CCSER1: variants seen among roughly 807,000 people sequenced by gnomAD.
CCSER1 encodes the protein coiled-coil serine rich protein 1.
CCSER1 carries 41 observed loss-of-function variants against 82.0 expected under a neutral mutation model. That is an observed-to-expected ratio of 0.50 (90% CI 0.39 to 0.65). The LOEUF is 0.65. Ranked by LOEUF, CCSER1 falls within the 30% of genes least tolerant of loss-of-function variation. The pLI, the probability that CCSER1 is intolerant of heterozygous loss-of-function variation, is 0.00. For synonymous variants in CCSER1, 414 were observed against 383.9 expected, an observed-to-expected ratio of 1.08 and a Z score of -0.92; for missense variants, 1,119 against 1,064.2, an observed-to-expected ratio of 1.05 and a Z score of -0.72.
intron 10 of CCSER1, among the ~76,000 whole-genome samples, chr4:91,166,605 T>A (rs1175414532): frequency 6.6e-6 from 1 of 152,196 alleles, no homozygotes; most frequent in Non-Finnish European, 1.5e-5. Flanking sequence ...TATAAGTCAG[T>A]TTTTATATTT....
chr4:90,141,130 G>C (rs1231824858), intron 1 of CCSER1, among the ~76,000 whole-genome samples: 1 of 152,000 alleles, frequency 6.6e-6, no homozygotes, highest in East Asian at 1.9e-4. Context: ...CTGTAGAACC[G>C]ACTGGAAGGC....
At chr4:90,216,975 G>A (rs941252910) in intron 1 of CCSER1, among the ~76,000 whole-genome samples, 3 of 152,236 alleles carry the variant, frequency 2.0e-5, no homozygotes, top group Non-Finnish European at 4.4e-5. Flanking sequence ...GTGTTTTGTA[G>A]TTCTCCTTGT....
At chr4:90,550,555 T>A (rs1222565024) in intron 5 of CCSER1, among the ~76,000 whole-genome samples, 5 of 149,608 alleles carry the variant, frequency 3.3e-5, no homozygotes, top group Admixed American at 3.3e-4. Flanking sequence ...TAGAAAAATA[T>A]ATTATTGAGG....
chr4:90,309,709 T>C (rs1379525944), intron 2 of CCSER1, 101 bp downstream of exon 2: 1 of 924,264 alleles, frequency 1.1e-6, no homozygotes. Flanking sequence ...CACATTTTTC[T>C]TGTTTTTCAC....
chr4:90,601,080 C>T (rs1295433445), intron 5 of CCSER1, among the ~76,000 whole-genome samples: 3 of 152,000 alleles, frequency 2.0e-5, no homozygotes, highest in Non-Finnish European at 2.9e-5. Flanking sequence ...TTTTCTAACA[C>T]AATCATGTCA....
chr4:90,145,744 T>A lies in CCSER1; in HGVS notation c.-42+17913T>A, dbSNP rs567145299. ...AAATTCTACTTTTTCTTTTATCATGTCTTCATTCTTTGGAGTTTTTAAAAT... is the reference window on the plus strand; with the variant it reads ...AAATTCTACTTTTTCTTTTATCATGACTTCATTCTTTGGAGTTTTTAAAAT... On this transcript the variant is annotated intron_variant, in intron 1 of 10. Transcript: ENST00000509176. Among the ~76,000 whole-genome samples, 4 of 152,250 alleles carry A rather than the reference T, an allele frequency of 2.6e-5. No homozygotes were observed. The South Asian group carries it at 8.3e-4, about 32-fold the overall frequency.
intron 10 of CCSER1, among the ~76,000 whole-genome samples, chr4:91,512,924 C>T (rs1759906021): frequency 6.6e-6 from 1 of 152,024 alleles, no homozygotes; most frequent in Non-Finnish European, 1.5e-5. Flanking sequence ...GACAGTTTGA[C>T]TTCTTCTTTT....
intron 7 of CCSER1, among the ~76,000 whole-genome samples, chr4:90,811,087 C>T (rs767056885): frequency 2.0e-5 from 3 of 152,092 alleles, no homozygotes; most frequent in Non-Finnish European, 4.4e-5. Flanking sequence ...GATCCGCCCG[C>T]GTCGGCCTTC....
At chr4:90,176,950 G>A (rs1560747232) in intron 1 of CCSER1, among the ~76,000 whole-genome samples, 2 of 152,152 alleles carry the variant, frequency 1.3e-5, no homozygotes, top group East Asian at 3.9e-4. Flanking sequence ...TGGTACATGA[G>A]TTAGCATTAC....
At chr4:91,424,977 C>T (rs1310589812) in intron 10 of CCSER1, among the ~76,000 whole-genome samples, 1 of 152,058 alleles carries the variant, frequency 6.6e-6, no homozygotes, top group Non-Finnish European at 1.5e-5. Context: ...GACTTTTATA[C>T]ACATTAATTT....
intron 3 of CCSER1, among the ~76,000 whole-genome samples, chr4:90,387,767 C>G (rs1750288898): frequency 6.6e-6 from 1 of 152,130 alleles, no homozygotes; most frequent in Admixed American, 6.6e-5. Context: ...GTAATAGGTC[C>G]TGGGTACAAC....
intron 9 of CCSER1, among the ~76,000 whole-genome samples, chr4:90,980,980 T>C (rs933332246): frequency 1.3e-5 from 2 of 151,756 alleles, no homozygotes; most frequent in Non-Finnish European, 2.9e-5. Context: ...TGGGTGCAAA[T>C]TGCAGTCAGC....
chr4:91,426,569 T>G (rs1753994423), intron 10 of CCSER1, among the ~76,000 whole-genome samples: 1 of 152,140 alleles, frequency 6.6e-6, no homozygotes, highest in African/African-American at 2.4e-5. Flanking sequence ...GAATGAAATT[T>G]TACACAGAAA....
chr4:91,163,993 G>A (rs1008494256), intron 10 of CCSER1, among the ~76,000 whole-genome samples: 2 of 152,122 alleles, frequency 1.3e-5, no homozygotes, highest in African/African-American at 4.8e-5. Flanking sequence ...TGATTATTTT[G>A]CTCGTTAGTT....
rs570572471 is a variant in CCSER1 at position 91,472,681 on chromosome 4, C to T, written c.2218-125891C>T. On this transcript the variant is annotated intron_variant, in intron 10 of 10. Coordinates refer to ENST00000509176, the MANE Select transcript of CCSER1 (RefSeq NM_001145065.2). ...GACAGTTTCATAGGCACAATCTCTT[C>T]GACTGGCTCTTTTGCAGCTCTTTGG... 2.6e-5 allele frequency among the ~76,000 whole-genome samples: 4 copies of T among 152,234 alleles called. No homozygotes were observed. The East Asian group carries it at 5.8e-4, about 22-fold the overall frequency.
chr4:91,563,925 GGTTT>G (rs1318027864), intron 10 of CCSER1, among the ~76,000 whole-genome samples: 1 of 151,628 alleles, frequency 6.6e-6, no homozygotes, highest in Non-Finnish European at 1.5e-5. Flanking sequence ...TACATATGAA[GGTTT>G]GTTTCATAGG....
rs1764844099 is a variant in CCSER1 at position 91,602,321 on chromosome 4, T to C, written c.*3264T>C. Among the ~76,000 whole-genome samples, 1 of 152,000 alleles carries C rather than the reference T, an allele frequency of 6.6e-6. No individual in the cohort carries two copies. Among genetic ancestry groups the C allele is most frequent in the African/African-American group, 2.4e-5 (1 of 41,414 alleles). ...AGGAAATTCCACATTTTGTTTTGTTTTCTTTGTCTTGTTTAATAGAGATAA... is the reference window on the plus strand; with the variant it reads ...AGGAAATTCCACATTTTGTTTTGTTCTCTTTGTCTTGTTTAATAGAGATAA... On this transcript the variant is annotated 3_prime_UTR_variant, in exon 11 of 11. Coordinates refer to ENST00000509176, the MANE Select transcript of CCSER1 (RefSeq NM_001145065.2).
intron 9 of CCSER1, among the ~76,000 whole-genome samples, chr4:90,978,316 G>T (rs912408488): frequency 1.3e-5 from 2 of 151,580 alleles, no homozygotes; most frequent in African/African-American, 4.8e-5. Context: ...AAGAATTAAT[G>T]TACACAAAGC....
At chr4:90,420,502 T>C (rs576800928) in intron 4 of CCSER1, among the ~76,000 whole-genome samples, 59 of 152,188 alleles carry the variant, frequency 3.9e-4, no homozygotes, top group Middle Eastern at 6.8e-3. Context: ...TGGCAATTAT[T>C]TGATTTTTAT....
Sources: gnomAD v4.1 joint callset for allele counts (sites outside exome capture counted in the v4.1 genomes callset) on GRCh38, gnomAD v4.1.1 for gene constraint, MANE v1.5 for transcripts, NCBI Gene and HGNC (gene_info 2026-07-23, HGNC 2026-07-21) for gene names.